Variants in CAND1 observed in about 807,000 individuals in gnomAD.
The protein encoded by CAND1 is cullin associated and neddylation dissociated 1.
Under a neutral mutation model 108.5 loss-of-function variants are expected in CAND1, and 7 were observed. That is an observed-to-expected ratio of 0.06 (90% CI 0.04 to 0.12). The LOEUF (loss-of-function observed/expected upper bound fraction) is 0.12, where lower values mean the gene tolerates loss of function less well. CAND1 is among the 10% of genes least tolerant of loss of function. CAND1 has a pLI of 1.00. For missense variants in CAND1, 941 were observed against 1,448.7 expected (o/e 0.65, Z 5.69); for synonymous variants, 534 against 512.0 (o/e 1.04, Z -0.58).
intron 3 of CAND1, among the ~76,000 whole-genome samples, chr12:67,294,382 G>T (rs1237072337): frequency 6.6e-6 from 1 of 151,634 alleles, no homozygotes; most frequent in African/African-American, 2.4e-5. Flanking sequence ...CTTATTAAAA[G>T]TTATGGCTGA....
chr12:67,300,082 T>C (rs1320956295), intron 7 of CAND1, among the ~76,000 whole-genome samples: 2 of 152,154 alleles, frequency 1.3e-5, no homozygotes, highest in Non-Finnish European at 2.9e-5. Context: ...ACTCCTCCAG[T>C]GATGGATGAG....
chr12:67,275,735 T>C (rs1290678432), intron 1 of CAND1, among the ~76,000 whole-genome samples: 1 of 152,122 alleles, frequency 6.6e-6, no homozygotes, highest in African/African-American at 2.4e-5. Flanking sequence ...GTGAGAGTTA[T>C]TGTGAGTGCA....
In CAND1 at chr12:67,297,413, A is replaced by C; in HGVS notation, c.498A>C (p.Gly166=). Residue 166 remains glycine (G), a synonymous_variant, in exon 5 of 15, where the codon GGA becomes GGC. Coordinates refer to ENST00000545606, the MANE Select transcript of CAND1 (RefSeq NM_018448.5). ...TTTTTTATTTTATTTTAAGGCAAGG[A>C]GGACTTCTTGTTAATTTCCATCCTT... ...DIMADMLSRQ[G]GLLVNFHPSI... The C allele has an allele frequency of 6.2e-7, 1 of 1,610,582 alleles. No individual in the cohort carries two copies. Among genetic ancestry groups the C allele is most frequent in the Non-Finnish European group, 8.5e-7 (1 of 1,178,544 alleles).
chr12:67,286,494 G>T (rs1592609359), intron 2 of CAND1, among the ~76,000 whole-genome samples: 1 of 151,264 alleles, frequency 6.6e-6, no homozygotes, highest in African/African-American at 2.4e-5. Flanking sequence ...AGGTGTGTAA[G>T]TGTGGTTTTA....
chr12:67,306,933 A>G (rs2044892823), intron 10 of CAND1, among the ~76,000 whole-genome samples: 1 of 152,180 alleles, frequency 6.6e-6, no homozygotes, highest in Admixed American at 6.5e-5. Flanking sequence ...TACAATAAGT[A>G]TAATTGGTGA....
chr12:67,303,019 C>G (rs561386201), intron 8 of CAND1, among the ~76,000 whole-genome samples: 2 of 152,294 alleles, frequency 1.3e-5, no homozygotes, highest in African/African-American at 4.8e-5. Flanking sequence ...TTAGAAATAT[C>G]TACCTGTGGT....
intron 7 of CAND1, among the ~76,000 whole-genome samples, chr12:67,299,481 T>A (rs1474568338): frequency 6.6e-6 from 1 of 152,178 alleles, no homozygotes; most frequent in Non-Finnish European, 1.5e-5. Context: ...TAAGTACTAT[T>A]CAAATTTTCT....
chr12:67,282,178 T>G (rs2044625877), intron 2 of CAND1, 125 bp downstream of exon 2: 1 of 945,018 alleles, frequency 1.1e-6, no homozygotes, highest in African/African-American at 1.7e-5. Flanking sequence ...GTGTGTAGAA[T>G]TTTTAGGTGA....
At chr12:67,278,794 C>G (rs1162540227) in intron 1 of CAND1, among the ~76,000 whole-genome samples, 1 of 152,238 alleles carries the variant, frequency 6.6e-6, no homozygotes, top group East Asian at 1.9e-4. Flanking sequence ...GCTGGGATTA[C>G]AGGCGTGAGC....
At chr12:67,303,218 C>T (rs2044843182) in intron 8 of CAND1, among the ~76,000 whole-genome samples, 1 of 152,100 alleles carries the variant, frequency 6.6e-6, no homozygotes, top group Non-Finnish European at 1.5e-5. Context: ...CAGGCATTCT[C>T]CTATCTTATA....
intron 1 of CAND1, chr12:67,270,808 C>T (rs2044514583): frequency 6.7e-6 from 1 of 148,912 alleles, no homozygotes; most frequent in African/African-American, 2.5e-5. Flanking sequence ...CGCTTATTTC[C>T]TTATACCTGT....
At chr12:67,293,823 A>G (rs2044743622) in intron 3 of CAND1, among the ~76,000 whole-genome samples, 2 of 152,214 alleles carry the variant, frequency 1.3e-5, no homozygotes, top group African/African-American at 4.8e-5. Flanking sequence ...ATGTACTTGA[A>G]TCATTCACTG....
Position 67,304,608 on chromosome 12 carries a change from C to G in CAND1, c.1297C>G (p.Pro433Ala). The G allele has an allele frequency of 6.2e-7, 1 of 1,613,330 alleles. No individual in the cohort carries two copies. The highest frequency in any genetic ancestry group is 8.5e-7 in the Non-Finnish European group (1 of 1,179,768). Residue 433 changes from proline (P) to alanine (A), a missense_variant, in exon 9 of 15, where the codon CCC becomes GCC. Transcript: ENST00000545606. ...AATGACTATATGATAATTGCAGGTT[C>G]CCAACATTGTTAAAGCTCTTCACAA... ...TPLTMLQSQVPNIVKALHKQM... is the reference protein window; with the variant it reads ...TPLTMLQSQVANIVKALHKQM...
At chr12:67,308,150 T>G (rs2044908435) in intron 11 of CAND1, among the ~76,000 whole-genome samples, 1 of 152,088 alleles carries the variant, frequency 6.6e-6, no homozygotes, top group African/African-American at 2.4e-5. Context: ...TTTAGTTTGT[T>G]GCTTTCTTGA....
Position 67,304,708 on chromosome 12 carries a change from C to G in CAND1, c.1397C>G (p.Pro466Arg). The G allele has an allele frequency of 6.2e-7, 1 of 1,613,854 alleles. No individual in the cohort carries two copies. Among genetic ancestry groups the G allele is most frequent in the Non-Finnish European group, 8.5e-7 (1 of 1,179,890 alleles). Residue 466 changes from proline to arginine, a missense_variant, in exon 9 of 15, where the codon CCT becomes CGT. Pro to Arg is a moderately radical substitution (Grantham distance 103, BLOSUM62 -2). Transcript: ENST00000545606. ...NMLTELVNVL[P>R]GALTQHIPVL... ...TTAACTGAGCTGGTAAATGTATTAC[C>G]TGGGGCCCTAACTCAACACATTCCT... is the stretch of plus-strand genomic sequence containing the variant.
chr12:67,285,962 C>T (rs949238350), intron 2 of CAND1, among the ~76,000 whole-genome samples: 6 of 152,058 alleles, frequency 3.9e-5, no homozygotes, highest in African/African-American at 1.4e-4. Context: ...GTGAACGTTT[C>T]GTGTACAAGT....
At position 67,306,270 on chromosome 12, in the gene CAND1, C is replaced by T; in HGVS notation, c.2602C>T (p.Pro868Ser). The change falls in exon 10 of 15, where the codon CCT becomes TCT. Residue 868 changes from proline (P) to serine (S), a missense_variant. Pro to Ser is a moderately conservative substitution (Grantham distance 74). This residue lies in a region of CAND1 where 697 missense variants were observed against 942.0 expected (regional missense o/e 0.74). Coordinates refer to ENST00000545606, the MANE Select transcript of CAND1 (RefSeq NM_018448.5). ...TGTAATACTAGAAGCTTTCTCATCTCCTAGTGAAGAAGTCAAATCAGCTGC... is the reference window on the plus strand; with the variant it reads ...TGTAATACTAGAAGCTTTCTCATCTTCTAGTGAAGAAGTCAAATCAGCTGC... ...KSVILEAFSS[P>S]SEEVKSAASY... 6.2e-7 allele frequency: 1 copy of T among 1,613,962 alleles called. No homozygotes were observed. The highest frequency in any genetic ancestry group is 8.5e-7 in the Non-Finnish European group (1 of 1,179,852).
rs780112359 is a variant in CAND1 at position 67,305,539 on chromosome 12, C to T, written c.1871C>T (p.Thr624Ile). The T allele has an allele frequency of 6.2e-7, 1 of 1,613,976 alleles. No homozygotes were observed. Among genetic ancestry groups the T allele is most frequent in the Non-Finnish European group, 8.5e-7 (1 of 1,179,970 alleles). The stretch of plus-strand genomic sequence containing the variant: ...TTGGAGAGACTAAAGAATGAAATTA[C>T]CAGGTTAACTACAGTAAAGGCATTG... ...IFLERLKNEI[T>I]RLTTVKALTL... The change falls in exon 10 of 15, where the codon ACC (threonine) becomes ATC (isoleucine). Residue 624 changes from threonine to isoleucine, a missense_variant. By Grantham distance (89) the Thr-to-Ile change is moderately conservative. This residue lies in a region of CAND1 where 697 missense variants were observed against 942.0 expected (regional missense o/e 0.74). Coordinates refer to ENST00000545606, the MANE Select transcript of CAND1 (RefSeq NM_018448.5). The surrounding 1 kb of genome is among the most constrained non-coding windows in gnomAD (Gnocchi z 4.4).
chr12:67,305,981 A>T lies in CAND1; in HGVS notation c.2313A>T (p.Gly771=), dbSNP rs773250485. 7.4e-6 allele frequency: 12 copies of T among 1,614,160 alleles called. No individual in the cohort carries two copies. In the South Asian group the frequency reaches 1.1e-4, roughly 15 times the overall value. The change falls in exon 10 of 15, where the codon GGA becomes GGT. Residue 771 remains glycine, a synonymous_variant. Transcript: ENST00000545606. The surrounding 1 kb of genome is among the most constrained non-coding windows in gnomAD (Gnocchi z 4.4). ...ALVVTGTNNL[G]YMDLLRMLTG... Reference sequence around the variant, plus strand: ...TTGTCACTGGAACAAATAATTTAGGATACATGGATTTGTTGCGCATGCTGA... The same window carrying T: ...TTGTCACTGGAACAAATAATTTAGGTTACATGGATTTGTTGCGCATGCTGA...
Sources: allele counts gnomAD v4.1 joint callset (sites outside exome capture counted in the v4.1 genomes callset), GRCh38; gene constraint gnomAD v4.1.1; regional missense constraint gnomAD v4.1.1; non-coding constraint Gnocchi (gnomAD v3.1); transcripts MANE v1.5; gene names NCBI Gene and HGNC (gene_info 2026-07-23, HGNC 2026-07-21).